The following POLR2K variants were observed in gnomAD, a reference collection of about 807,000 sequenced individuals.
The protein encoded by POLR2K is DNA-directed RNA polymerases I, II, and III subunit RPABC4.
A neutral mutation model predicts 10.1 loss-of-function variants in POLR2K; 9 were observed. The observed-to-expected ratio is 0.89, with a 90% confidence interval of 0.54 to 1.56. POLR2K has a LOEUF of 1.56. POLR2K is among the 40% of genes most tolerant of loss of function. The pLI is 0.00. For missense variants in POLR2K, 53 were observed against 71.9 expected, an observed-to-expected ratio of 0.74 and a Z score of 0.95; for synonymous variants, 19 against 20.3, an observed-to-expected ratio of 0.94 and a Z score of 0.17.
intron 1 of POLR2K, 152 bp from the exon 2 acceptor site, chr8:100,151,195 A>T: frequency 1.5e-6 from 1 of 650,890 alleles, no homozygotes; most frequent in East Asian, 2.7e-5. Context: ...ACTTGTGTGT[A>T]TGCGTTTCGT....
Position 100,151,835 on chromosome 8 carries a change from GA to G in POLR2K, c.77del (p.Asn26MetfsTer3). The G allele has an allele frequency of 6.6e-7, 1 of 1,523,732 alleles. No individual in the cohort carries two copies. Among genetic ancestry groups the G allele is most frequent in the Non-Finnish European group, 9.0e-7 (1 of 1,109,954 alleles). The allele number at this position is 1,523,732 out of a possible 1,614,324, so 94.4% of individuals were successfully genotyped here. ...MIYICGECHT[E>X]NEIKSRDPIR... The stretch of plus-strand genomic sequence containing the variant: ...TTTTTTAATTCTAGAGTGTCACACA[GA>G]AAATGAAATAAAATCTAGGGATCCA... On this transcript the variant is annotated frameshift_variant, in exon 3 of 4. Transcript: ENST00000353107. LOFTEE classifies it high-confidence loss of function.
chr8:100,151,558 G>GTTACT (rs1814919390), intron 2 of POLR2K, 142 bp downstream of exon 2: 1 of 655,900 alleles, frequency 1.5e-6, no homozygotes, highest in African/African-American at 1.8e-5. Flanking sequence ...AAATCGTTGA[G>GTTACT]GTCAGTAGAC....
At chr8:100,151,765 T>C (rs1217479899) in intron 2 of POLR2K, 59 bp from the exon 3 acceptor site, 2 of 783,770 alleles carry the variant, frequency 2.6e-6, no homozygotes, top group African/African-American at 3.5e-5. Flanking sequence ...ACATTTAAGA[T>C]AATTTGTCTG....
rs199982916 is a variant in POLR2K at position 100,153,311 on chromosome 8, C to G, written c.172C>G (p.Arg58Gly). 6.8e-6 allele frequency: 11 copies of G among 1,608,346 alleles called. No homozygotes were observed. Among genetic ancestry groups the G allele is most frequent in the Non-Finnish European group, 9.4e-6 (11 of 1,176,120 alleles). Reference protein sequence around the residue: ...RTKRLVVFDAR With the variant: ...RTKRLVVFDAG ...TAATACAGTGGTCGTTTTTGATGCT[C>G]GATGAATGCTGGGAATTCAGAGGAA... The change falls in exon 4 of 4, where the codon CGA becomes GGA. Residue 58 changes from arginine to glycine, a missense_variant. Physicochemically the swap from Arg to Gly is moderately radical, Grantham distance 125. Coordinates refer to ENST00000353107, the MANE Select transcript of POLR2K (RefSeq NM_005034.4).
intron 3 of POLR2K, chr8:100,152,250 A>AT (rs890467430): frequency 2.3e-6 from 1 of 430,268 alleles, no homozygotes; most frequent in Non-Finnish European, 4.1e-6. Context: ...TCTAGGCTAT[A>AT]TGGTATAGCT....
In POLR2K at chr8:100,152,725, G is replaced by A. The variant is rs77268738; in HGVS notation, c.155-569G>A. ...CAACTAACACACATTGTAAATCGACGGATTATCCGCTTTAACATTACTTTA... is the reference window on the plus strand; with the variant it reads ...CAACTAACACACATTGTAAATCGACAGATTATCCGCTTTAACATTACTTTA... On this transcript the variant is annotated intron_variant, in intron 3 of 3. Transcript: ENST00000353107. Among the ~76,000 whole-genome samples, 298 of 152,166 alleles carry A rather than the reference G, an allele frequency of 2.0e-3. 1 individual carries two copies. The highest frequency in any genetic ancestry group is 0.017 in the Middle Eastern group (5 of 294).
chr8:100,151,156 T>C (rs1158731120), intron 1 of POLR2K, among the ~76,000 whole-genome samples, 191 bp from the exon 2 acceptor site: 1 of 152,210 alleles, frequency 6.6e-6, no homozygotes, highest in Non-Finnish European at 1.5e-5. Flanking sequence ...GAAGTAGTTA[T>C]TATGTCCAGT....
intron 1 of POLR2K, among the ~76,000 whole-genome samples, chr8:100,150,947 A>G (rs912442841): frequency 9.2e-5 from 14 of 152,040 alleles, no homozygotes; most frequent in African/African-American, 3.4e-4. Context: ...TTTTTGGCTA[A>G]CTTCTGCTAG....
chr8:100,153,063 T>C (rs1457430016), intron 3 of POLR2K, among the ~76,000 whole-genome samples: 2 of 152,222 alleles, frequency 1.3e-5, no homozygotes, highest in Non-Finnish European at 2.9e-5. Flanking sequence ...CCACTGCGCC[T>C]GGCCTGCTTT....
At chr8:100,152,860 C>T (rs1042213722) in intron 3 of POLR2K, among the ~76,000 whole-genome samples, 40 of 152,224 alleles carry the variant, frequency 2.6e-4, no homozygotes, top group Admixed American at 2.2e-3. Context: ...CTCTGCCTTC[C>T]GGGTTCATGG....
At chr8:100,151,116 T>G (rs1814911479) in intron 1 of POLR2K, among the ~76,000 whole-genome samples, 1 of 152,174 alleles carries the variant, frequency 6.6e-6, no homozygotes, top group South Asian at 2.1e-4. Flanking sequence ...CCTAGGATTG[T>G]TATGAAGATT....
rs963919373 is a variant in POLR2K, at chr8:100,151,252, A to G, written c.-9-95A>G. On this transcript the variant is annotated intron_variant, in intron 1 of 3. Coordinates refer to ENST00000353107, the MANE Select transcript of POLR2K (RefSeq NM_005034.4). The stretch of plus-strand genomic sequence containing the variant: ...ATTTGGGGAAAGGAACAGATTAGGA[A>G]TTGGATCTTTGTAGCTTTTCCTGAG... 6.0e-6 allele frequency: 5 copies of G among 839,342 alleles called. No homozygotes were observed. The Admixed American group carries it at 8.6e-5, about 15-fold the overall frequency. The allele number at this position is 839,342 out of a possible 1,614,324, so 52.0% of individuals were successfully genotyped here.
intron 2 of POLR2K, 178 bp from the exon 3 acceptor site, chr8:100,151,646 T>TA (rs1814920725): frequency 1.7e-6 from 1 of 599,370 alleles, no homozygotes. Context: ...CTCCTGGAAA[T>TA]ATGCATGGCC....
At chr8:100,151,731 T>C in intron 2 of POLR2K, 93 bp from the exon 3 acceptor site, 1 of 647,646 alleles carries the variant, frequency 1.5e-6, no homozygotes, top group East Asian at 2.7e-5. Flanking sequence ...ATTTTAGTGT[T>C]TTGGATTGCC....
intron 3 of POLR2K, among the ~76,000 whole-genome samples, chr8:100,152,496 G>A (rs1167444580): frequency 2.6e-5 from 4 of 152,176 alleles, no homozygotes; most frequent in Admixed American, 2.0e-4. Context: ...TAAAGTTCAC[G>A]AGGAGAAATA....
rs1040006266 is a variant in POLR2K at position 100,153,958 on chromosome 8, C to T, written c.*642C>T. The T allele has an allele frequency of 6.6e-6, 1 of 152,202 alleles. No homozygotes were observed. Among genetic ancestry groups the T allele is most frequent in the African/African-American group, 2.4e-5 (1 of 41,448 alleles). The allele number at this position is 152,202 out of a possible 1,614,324, so 9.4% of individuals were successfully genotyped here. A position where few individuals can be genotyped will look rare whatever the true frequency, so the allele number is the denominator to read the frequency against. On this transcript the variant is annotated 3_prime_UTR_variant, in exon 4 of 4. Coordinates refer to ENST00000353107, the MANE Select transcript of POLR2K (RefSeq NM_005034.4). Reference sequence around the variant, plus strand: ...CAGTCCTTGTTAAAAATGCAGGTTTCTAGAACCCTCTGAAGTTCTGATTAA... The same window carrying T: ...CAGTCCTTGTTAAAAATGCAGGTTTTTAGAACCCTCTGAAGTTCTGATTAA...
chr8:100,152,195 C>A (rs1244117656), intron 3 of POLR2K: 2 of 548,624 alleles, frequency 3.6e-6, no homozygotes, highest in Non-Finnish European at 6.3e-6. Flanking sequence ...GCAATTTCAT[C>A]ATTCCTACAG....
intron 3 of POLR2K, 111 bp downstream of exon 3, chr8:100,152,027 T>C: frequency 2.9e-6 from 2 of 680,364 alleles, no homozygotes; most frequent in South Asian, 3.4e-5. Flanking sequence ...TTACAGTACT[T>C]AAAAAACAAA....
rs1255000365 is a variant in POLR2K, at chr8:100,151,862, A to G, written c.100A>G (p.Ile34Val). 4 of 1,573,492 alleles carry G rather than the reference A, an allele frequency of 2.5e-6. No individual in the cohort carries two copies. Among genetic ancestry groups the G allele is most frequent in the Non-Finnish European group, 2.6e-6 (3 of 1,147,194 alleles). Reference protein sequence around the residue: ...TENEIKSRDPIRCRECGYRIM... With the variant: ...TENEIKSRDPVRCRECGYRIM... Reference sequence around the variant, plus strand: ...AAATGAAATAAAATCTAGGGATCCAATCAGATGCAGAGAATGTGGATACAG... The same window carrying G: ...AAATGAAATAAAATCTAGGGATCCAGTCAGATGCAGAGAATGTGGATACAG... Residue 34 changes from isoleucine (I) to valine (V), a missense_variant, in exon 3 of 4, where the codon ATC becomes GTC. Physicochemically the swap from Ile to Val is conservative, Grantham distance 29 (BLOSUM62 3). Coordinates refer to ENST00000353107, the MANE Select transcript of POLR2K (RefSeq NM_005034.4).
Sources: gnomAD v4.1 joint callset for allele counts (sites outside exome capture counted in the v4.1 genomes callset) on GRCh38, gnomAD v4.1.1 for gene constraint, MANE v1.5 for transcripts, NCBI Gene and HGNC (gene_info 2026-07-23, HGNC 2026-07-21) for gene names.